UBAP2: variants seen among roughly 807,000 people sequenced by gnomAD.
UBAP2 encodes ubiquitin-associated protein 2.
In UBAP2, 75 loss-of-function variants were observed where a neutral mutation model predicts 139.6. The observed-to-expected ratio is 0.54, with a 90% CI of 0.45 to 0.65. The LOEUF (loss-of-function observed/expected upper bound fraction) is 0.65, where lower values mean the gene tolerates loss of function less well. Among genes scored for constraint, UBAP2 ranks in the 30% least tolerant of loss-of-function variants. UBAP2 has a pLI of 0.00. For missense variants in UBAP2, 1,368 were observed against 1,369.6 expected (o/e 1.00, Z 0.02); for synonymous variants, 526 against 526.2 (o/e 1.00, Z 0.01).
At chr9:33,966,077 G>A (rs1464504831) in intron 8 of UBAP2, among the ~76,000 whole-genome samples, 1 of 151,800 alleles carries the variant, frequency 6.6e-6, no homozygotes, top group Non-Finnish European at 1.5e-5. Flanking sequence ...GGGAGTGTGG[G>A]TCTTAGAACT....
At position 34,044,853 on chromosome 9, in the gene UBAP2, G is replaced by A. The variant is rs374214011; in HGVS notation, c.-42+3972C>T. Among the ~76,000 whole-genome samples, 32 of 152,160 alleles carry A rather than the reference G, an allele frequency of 2.1e-4. 2 individuals are homozygous for A. The highest frequency in any genetic ancestry group is 6.6e-4 in the Admixed American group (10 of 15,258). On this transcript the variant is annotated intron_variant, in intron 1 of 28. Coordinates refer to ENST00000379238, the MANE Select transcript of UBAP2 (RefSeq NM_001370062.2). ...TGCACTCCAACCTGGGTGACAGAGC[G>A]AGACTCCATCTGTAAATAAATAAAT...
At chr9:34,035,514 A>AAAAAAAAAAATATATATATATATAT in intron 1 of UBAP2, among the ~76,000 whole-genome samples, 6 of 22,488 alleles carry the variant, frequency 2.7e-4, no homozygotes, top group Admixed American at 1.4e-3. Context: ...AAAAAAAAAA[A>AAAAAAAAAAATATATATATATATAT]ATATATATAT....
Position 33,973,224 on chromosome 9 carries a change from G to T in UBAP2, c.534C>A (p.Gly178=). ...AGAACCTTCCTGCCCCTCTCCCTCTGCCACGTCCAAATCCTTTAAAAAAAC... is the reference window on the plus strand; with the variant it reads ...AGAACCTTCCTGCCCCTCTCCCTCTTCCACGTCCAAATCCTTTAAAAAAAC... ...KRARGRGFGR[G]RGRGAGRFST... The change falls in exon 7 of 29, where the codon GGC becomes GGA. Residue 178 remains glycine (G), a synonymous_variant. Transcript: ENST00000379238. 1 of 1,613,754 alleles carries T rather than the reference G, an allele frequency of 6.2e-7. No homozygotes were observed. Among genetic ancestry groups the T allele is most frequent in the Non-Finnish European group, 8.5e-7 (1 of 1,179,878 alleles).
At chr9:33,984,058 C>T (rs941611224) in intron 6 of UBAP2, among the ~76,000 whole-genome samples, 2 of 152,076 alleles carry the variant, frequency 1.3e-5, no homozygotes, top group Non-Finnish European at 2.9e-5. Context: ...CACACACCAC[C>T]ATGCCCAGCT....
At chr9:33,936,318 G>A (rs1198255622) in intron 16 of UBAP2, among the ~76,000 whole-genome samples, 2 of 151,936 alleles carry the variant, frequency 1.3e-5, no homozygotes, top group African/African-American at 4.8e-5. Context: ...TTTTTGAGAT[G>A]GTGTCTTGCG....
intron 2 of UBAP2, among the ~76,000 whole-genome samples, chr9:34,008,498 C>T (rs181728167): frequency 2.0e-5 from 3 of 152,146 alleles, no homozygotes; most frequent in African/African-American, 7.2e-5. Flanking sequence ...AATCTCAGCA[C>T]TTTGGGAGGC....
chr9:33,953,167 C>A lies in UBAP2; in HGVS notation c.1056+118G>T, dbSNP rs559185155. 543 of 1,034,618 alleles carry A rather than the reference C, an allele frequency of 5.2e-4. 3 individuals are homozygous for A. Among genetic ancestry groups the A allele is most frequent in the Middle Eastern group, 1.7e-3 (6 of 3,452 alleles). 64.1% of individuals were successfully genotyped at this position (1,034,618 alleles called of 1,614,324 possible). A position where few individuals can be genotyped will look rare whatever the true frequency, so the allele number is the denominator to read the frequency against. On this transcript the variant is annotated intron_variant, in intron 12 of 28. Coordinates refer to ENST00000379238, the MANE Select transcript of UBAP2 (RefSeq NM_001370062.2). ...TACAGGCATGAGCCATCATGCCCGGCCTTACTGTAGATATTTTTATATTTA... is the reference window on the plus strand; with the variant it reads ...TACAGGCATGAGCCATCATGCCCGGACTTACTGTAGATATTTTTATATTTA...
chr9:33,963,862 G>T, intron 8 of UBAP2, 71 bp from the exon 9 acceptor site: 1 of 1,152,604 alleles, frequency 8.7e-7, no homozygotes, highest in Non-Finnish European at 1.3e-6. Flanking sequence ...AGAGAAGATG[G>T]TCACTGTCAA....
rs767483060 is a variant in UBAP2 at position 33,935,706 on chromosome 9, C to T, written c.1969+133G>A. On this transcript the variant is annotated intron_variant, in intron 17 of 28. Transcript: ENST00000379238. ...CCACAGCCAACACCTGGTCCAAAAA[C>T]AAAAAAGCAAAAGGGCTGCTTTTTA... 3 of 1,088,512 alleles carry T rather than the reference C, an allele frequency of 2.8e-6. No individual in the cohort carries two copies. The South Asian group carries it at 3.9e-5, about 14-fold the overall frequency. 67.4% of individuals were successfully genotyped at this position (1,088,512 alleles called of 1,614,324 possible).
intron 16 of UBAP2, among the ~76,000 whole-genome samples, chr9:33,937,596 T>C (rs1198369419): frequency 1.3e-5 from 1 of 76,794 alleles, no homozygotes; most frequent in Non-Finnish European, 2.4e-5. Flanking sequence ...CCAGACTCTG[T>C]CTCAAAAAAA....
chr9:33,963,812 G>C, intron 8 of UBAP2, 21 bp from the exon 9 acceptor site: 1 of 1,583,438 alleles, frequency 6.3e-7, no homozygotes, highest in African/African-American at 1.3e-5. Context: ...ATGTAAAATT[G>C]AGGGTTTAAA....
At chr9:34,040,140 C>A (rs1826929986) in intron 1 of UBAP2, among the ~76,000 whole-genome samples, 1 of 148,312 alleles carries the variant, frequency 6.7e-6, no homozygotes, top group Non-Finnish European at 1.5e-5. Context: ...GCCTGGGCGA[C>A]AAGGGCTAGA....
chr9:34,027,835 C>A (rs1825543421), intron 1 of UBAP2, among the ~76,000 whole-genome samples: 1 of 148,176 alleles, frequency 6.7e-6, no homozygotes, highest in South Asian at 2.1e-4. Flanking sequence ...GCACTCCAGG[C>A]TGGGCGACAG....
chr9:33,973,580 G>C (rs966827842), intron 6 of UBAP2, among the ~76,000 whole-genome samples: 5 of 152,178 alleles, frequency 3.3e-5, no homozygotes, highest in Admixed American at 2.6e-4. Context: ...AATGAAATGA[G>C]AACCAGAAAG....
chr9:33,939,189 C>CTTTTTTTTTTTTTTTTTTTTTTT (rs72150705), intron 16 of UBAP2, among the ~76,000 whole-genome samples: 1 of 78,584 alleles, frequency 1.3e-5, no homozygotes, highest in Non-Finnish European at 2.3e-5. Flanking sequence ...TTTCCTATGT[C>CTTTTTTTTTTTTTTTTTTTTTTT]TTTTTTTTTT....
At chr9:33,934,818 A>G (rs1824312663) in intron 17 of UBAP2, among the ~76,000 whole-genome samples, 1 of 152,188 alleles carries the variant, frequency 6.6e-6, no homozygotes, top group Non-Finnish European at 1.5e-5. Flanking sequence ...TACCACTGCT[A>G]GAGTCAAAAG....
intron 8 of UBAP2, among the ~76,000 whole-genome samples, chr9:33,969,993 G>T (rs1193646505): frequency 2.6e-5 from 3 of 114,818 alleles, no homozygotes; most frequent in African/African-American, 6.7e-5. Flanking sequence ...GCAGTGGCAC[G>T]ATCTCAGCTC....
chr9:34,016,697 A>G (rs1234893904), intron 2 of UBAP2, among the ~76,000 whole-genome samples: 1 of 151,632 alleles, frequency 6.6e-6, no homozygotes, highest in East Asian at 1.9e-4. Flanking sequence ...CTAGGATTAC[A>G]GGCGCACACC....
At chr9:34,043,057 G>A (rs1827236676) in intron 1 of UBAP2, among the ~76,000 whole-genome samples, 1 of 151,978 alleles carries the variant, frequency 6.6e-6, no homozygotes. Flanking sequence ...GACAAAGCAA[G>A]ACCCTGTCTC....
Sources: gnomAD v4.1 joint callset for allele counts (sites outside exome capture counted in the v4.1 genomes callset) on GRCh38, gnomAD v4.1.1 for gene constraint, MANE v1.5 for transcripts, NCBI Gene and HGNC (gene_info 2026-07-23, HGNC 2026-07-21) for gene names.